ANO4: variants seen among roughly 807,000 people sequenced by gnomAD.
ANO4 encodes the protein anoctamin 4, also known as anoctamin-4.
Under a neutral mutation model 141.9 loss-of-function variants are expected in ANO4, and 69 were observed. The ratio of observed to expected loss-of-function variants is 0.49; its 90% CI spans 0.40 to 0.59. ANO4 has a LOEUF of 0.59. Ranked by LOEUF, ANO4 falls within the 20% of genes least tolerant of loss-of-function variation. ANO4 has a pLI of 0.00. For missense variants in ANO4, 894 were observed against 1,162.2 expected (o/e 0.77, Z 3.36); for synonymous variants, 350 against 394.3 (o/e 0.89, Z 1.33).
intron 3 of ANO4, among the ~76,000 whole-genome samples, chr12:100,759,178 C>T (rs1458815376): frequency 3.3e-5 from 5 of 152,184 alleles, no homozygotes; most frequent in Admixed American, 1.3e-4. Context: ...TGGACTCTAA[C>T]TCAAGTTTTT....
intron 1 of ANO4, among the ~76,000 whole-genome samples, chr12:100,850,773 T>C (rs2037827612): frequency 1.3e-5 from 2 of 152,164 alleles, no homozygotes; most frequent in Non-Finnish European, 2.9e-5. Context: ...ATTATTGATA[T>C]TTGGTATGTT....
At chr12:100,917,922 G>A (rs536882663) in intron 2 of ANO4, among the ~76,000 whole-genome samples, 3 of 152,090 alleles carry the variant, frequency 2.0e-5, no homozygotes, top group African/African-American at 7.2e-5. Flanking sequence ...TCACATCTAT[G>A]GTTTAATATC....
intron 1 of ANO4, among the ~76,000 whole-genome samples, chr12:100,804,332 T>A (rs1257124891): frequency 5.9e-5 from 9 of 152,228 alleles, no homozygotes; most frequent in African/African-American, 2.2e-4. Flanking sequence ...ATACGACATT[T>A]CCTTTAGCCA....
chr12:100,922,631 A>G (rs1414876320), intron 3 of ANO4, among the ~76,000 whole-genome samples: 1 of 152,102 alleles, frequency 6.6e-6, no homozygotes, highest in Non-Finnish European at 1.5e-5. Context: ...GTAAATTTTT[A>G]GATTTCTTGA....
intron 1 of ANO4, among the ~76,000 whole-genome samples, chr12:100,718,999 G>T (rs761888650): frequency 6.6e-6 from 1 of 152,248 alleles, no homozygotes; most frequent in South Asian, 2.1e-4. Context: ...AGTTCTGTAC[G>T]TTTCTAGAAG....
intron 3 of ANO4, among the ~76,000 whole-genome samples, chr12:100,787,267 G>C (rs902241714): frequency 7.2e-5 from 11 of 152,182 alleles, no homozygotes; most frequent in African/African-American, 1.9e-4. Context: ...ATGCTTGGGT[G>C]GTCCTTGGAG....
chr12:101,025,153 T>C (rs2046681165), intron 9 of ANO4, among the ~76,000 whole-genome samples: 1 of 152,184 alleles, frequency 6.6e-6, no homozygotes. Flanking sequence ...AGATTTACTC[T>C]CCCACCTGAA....
At chr12:100,739,059 ATCTT>A (rs753382376) in intron 2 of ANO4, among the ~76,000 whole-genome samples, 7 of 147,060 alleles carry the variant, frequency 4.8e-5, no homozygotes, top group Admixed American at 2.0e-4. Flanking sequence ...ATATATCTAA[ATCTT>A]TATATATATC....
intron 3 of ANO4, among the ~76,000 whole-genome samples, chr12:100,762,828 G>T (rs2032929731): frequency 6.6e-6 from 1 of 152,184 alleles, no homozygotes; most frequent in Non-Finnish European, 1.5e-5. Flanking sequence ...CAGTTTCCAT[G>T]TGGGCAGGGA....
At chr12:100,861,985 C>G (rs534768426) in intron 1 of ANO4, among the ~76,000 whole-genome samples, 29 of 152,194 alleles carry the variant, frequency 1.9e-4, no homozygotes, top group Non-Finnish European at 3.2e-4. Context: ...CAATAACATG[C>G]ATGGAGCTGT....
chr12:100,888,330 T>G (rs1459572593), intron 1 of ANO4, among the ~76,000 whole-genome samples: 2 of 152,146 alleles, frequency 1.3e-5, no homozygotes, highest in African/African-American at 4.8e-5. Flanking sequence ...AATAAAGATG[T>G]TACAAAGGAG....
intron 1 of ANO4, among the ~76,000 whole-genome samples, chr12:100,829,072 A>G (rs1242902164): frequency 6.6e-6 from 1 of 151,946 alleles, no homozygotes; most frequent in East Asian, 1.9e-4. Flanking sequence ...AAATACCCTC[A>G]TAGTGTGCTC....
intron 5 of ANO4, among the ~76,000 whole-genome samples, chr12:100,943,778 G>A (rs2042606369): frequency 6.6e-6 from 1 of 152,184 alleles, no homozygotes; most frequent in African/African-American, 2.4e-5. Flanking sequence ...CAAACTGAGT[G>A]TATAGTTGAT....
intron 22 of ANO4, 32 bp from the exon 23 acceptor site, chr12:101,110,372 C>T (rs777121992): frequency 1.6e-5 from 25 of 1,566,266 alleles, no homozygotes; most frequent in Non-Finnish European, 2.2e-5. Context: ...AAAACCAATA[C>T]TCTCTGCTCT....
intron 12 of ANO4, among the ~76,000 whole-genome samples, chr12:101,042,700 A>C (rs1405621872): frequency 1.3e-5 from 2 of 152,222 alleles, no homozygotes; most frequent in East Asian, 3.8e-4. Context: ...CATACAAGCC[A>C]CTATATATCC....
intron 9 of ANO4, among the ~76,000 whole-genome samples, chr12:101,033,022 G>A (rs2047039642): frequency 6.6e-6 from 1 of 152,142 alleles, no homozygotes; most frequent in African/African-American, 2.4e-5. Flanking sequence ...GCACACGTAT[G>A]TTTATTGCGG....
chr12:101,120,644 ATTC>A lies in ANO4; in HGVS notation c.2676+22_2676+24del. 1 of 1,589,470 alleles carries A rather than the reference ATTC, an allele frequency of 6.3e-7. No homozygotes were observed. Among genetic ancestry groups the A allele is most frequent in the Non-Finnish European group, 8.6e-7 (1 of 1,157,790 alleles). The stretch of plus-strand genomic sequence containing the variant: ...CTTTGAGGTAAGTTTCCTCAGCCAA[ATTC>A]TTTATTTCCTTTGACATAATGAAGT... On this transcript the variant is annotated intron_variant, in intron 26 of 27. Coordinates refer to ENST00000392977, the MANE Select transcript of ANO4 (RefSeq NM_001286615.2).
chr12:100,996,121 T>C (rs1274453992), intron 8 of ANO4, among the ~76,000 whole-genome samples: 1 of 152,234 alleles, frequency 6.6e-6, no homozygotes, highest in Non-Finnish European at 1.5e-5. Flanking sequence ...GGCCATTAAA[T>C]TCTGTTATCA....
chr12:100,799,213 A>C (rs1462909073), intron 1 of ANO4, among the ~76,000 whole-genome samples: 1 of 152,172 alleles, frequency 6.6e-6, no homozygotes, highest in Non-Finnish European at 1.5e-5. Flanking sequence ...ATTCACTTCT[A>C]TTTGCTACTA....
Sources: allele counts gnomAD v4.1 joint callset (sites outside exome capture counted in the v4.1 genomes callset), GRCh38; gene constraint gnomAD v4.1.1; transcripts MANE v1.5; gene names NCBI Gene and HGNC (gene_info 2026-07-23, HGNC 2026-07-21).